The following NUBP1 variants were observed in gnomAD, a reference collection of about 807,000 sequenced individuals.
The protein encoded by NUBP1 is cytosolic Fe-S cluster assembly factor NUBP1.
In NUBP1, 46 loss-of-function variants were observed where a neutral mutation model predicts 41.8. That is an observed-to-expected ratio of 1.10 (90% confidence interval 0.87 to 1.41). The LOEUF (loss-of-function observed/expected upper bound fraction) is 1.41, where lower values mean the gene tolerates loss of function less well. Ranked by LOEUF, NUBP1 falls within the 40% of genes most tolerant of loss-of-function variation. The pLI is 0.00. For synonymous variants in NUBP1, 189 were observed against 154.6 expected, an observed-to-expected ratio of 1.22 and a Z score of -1.65; for missense variants, 494 against 414.0, an observed-to-expected ratio of 1.19 and a Z score of -1.68.
intron 9 of NUBP1, among the ~76,000 whole-genome samples, chr16:10,762,839 A>G (rs151173135): frequency 8.2e-4 from 124 of 150,850 alleles, no homozygotes; most frequent in Non-Finnish European, 1.2e-3. Context: ...GGGCCCGTGG[A>G]GAGCCTGGAG....
intron 7 of NUBP1, among the ~76,000 whole-genome samples, chr16:10,758,585 T>A (rs1900732472): frequency 6.6e-6 from 1 of 152,204 alleles, no homozygotes; most frequent in Non-Finnish European, 1.5e-5. Context: ...GGGTCAAGAA[T>A]GCTTTTTGAA....
In NUBP1 at chr16:10,761,780, C is replaced by T. The variant is rs1208884848; in HGVS notation, c.741C>T (p.Pro247=). ...AGAAAGAATCTCAGATATTCCCTCC[C>T]ACAACCGGGGGCGCGGAGCTCATGT... ...KCKKESQIFP[P]TTGGAELMCQ... The change falls in exon 9 of 11, where the codon CCC becomes CCT. Residue 247 remains proline (P), a synonymous_variant. Transcript: ENST00000283027. 78 of 1,613,896 alleles carry T rather than the reference C, an allele frequency of 4.8e-5. No individual in the cohort carries two copies. The highest frequency in any genetic ancestry group is 6.1e-5 in the Non-Finnish European group (72 of 1,179,934).
chr16:10,744,087 A>G, intron 2 of NUBP1, 22 bp downstream of exon 2: 1 of 1,543,896 alleles, frequency 6.5e-7, no homozygotes. Context: ...GCAAGGCCTC[A>G]ACAGGAACTT....
chr16:10,763,213 G>A (rs1014290895), intron 9 of NUBP1, among the ~76,000 whole-genome samples: 3 of 152,114 alleles, frequency 2.0e-5, no homozygotes, highest in African/African-American at 4.8e-5. Flanking sequence ...AGGTTCTGGG[G>A]TCCGTCAGGA....
intron 4 of NUBP1, among the ~76,000 whole-genome samples, chr16:10,753,758 G>A (rs137929186): frequency 2.2e-4 from 33 of 152,126 alleles, no homozygotes; most frequent in African/African-American, 5.5e-4. Flanking sequence ...CCTCACTGAG[G>A]GATAGCATTT....
chr16:10,765,317 C>A lies in NUBP1; in HGVS notation c.821-2632C>A, dbSNP rs549657237. Among the ~76,000 whole-genome samples the A allele has an allele frequency of 3.6e-5, 5 of 140,342 alleles. No homozygotes were observed. Among genetic ancestry groups the A allele is most frequent in the South Asian group, 2.3e-4 (1 of 4,338 alleles). The allele number at this position is 140,342 out of a possible 152,430, so 92.1% of individuals were successfully genotyped here. A position where few individuals can be genotyped will look rare whatever the true frequency, so the allele number is the denominator to read the frequency against. ...CTAGCCTGGGTAACACAGGAAGATA[C>A]CTCATCTCTTAAAAAAAAAAAAAAA... On this transcript the variant is annotated intron_variant, in intron 9 of 10. Coordinates refer to ENST00000283027, the MANE Select transcript of NUBP1 (RefSeq NM_002484.4). The surrounding 1 kb of genome is among the most constrained non-coding windows in gnomAD (Gnocchi z 4.0).
Position 10,755,121 on chromosome 16 carries a change from G to A in NUBP1, c.328-600G>A, listed in dbSNP as rs533327042. 4.6e-5 allele frequency among the ~76,000 whole-genome samples: 7 copies of A among 152,316 alleles called. No individual in the cohort carries two copies. The South Asian group carries it at 1.5e-3, about 32-fold the overall frequency. On this transcript the variant is annotated intron_variant, in intron 4 of 10. Transcript: ENST00000283027. Reference sequence around the variant, plus strand: ...GTACAGAAAGCCACTCATTCAATGGGTGAGTCATATTGTCTATGAATCATG... The same window carrying A: ...GTACAGAAAGCCACTCATTCAATGGATGAGTCATATTGTCTATGAATCATG...
At chr16:10,756,595 T>C (rs1177341232) in intron 5 of NUBP1, 95 bp from the exon 6 acceptor site, 6 of 855,332 alleles carry the variant, frequency 7.0e-6, no homozygotes, top group African/African-American at 3.6e-5. Flanking sequence ...GAAAATGTTT[T>C]TTTCAGTCAG....
chr16:10,743,940 T>G (rs770610044), intron 1 of NUBP1, 21 bp from the exon 2 acceptor site: 1 of 1,591,154 alleles, frequency 6.3e-7, no homozygotes, highest in Admixed American at 1.8e-5. Context: ...CTGCTCTAAC[T>G]GTGGTCTTGT....
At chr16:10,755,806 C>G (rs368269436) in intron 5 of NUBP1, 53 bp downstream of exon 5, 1 of 1,559,036 alleles carries the variant, frequency 6.4e-7, no homozygotes, top group Non-Finnish European at 8.8e-7. Context: ...GTTGTGTGTA[C>G]ATAATGGGTT....
At position 10,767,108 on chromosome 16, in the gene NUBP1, G is replaced by A. The variant is rs554641922; in HGVS notation, c.821-841G>A. The A allele has an allele frequency of 2.2e-4, 87 of 398,762 alleles. No homozygotes were observed. The highest frequency in any genetic ancestry group is 1.3e-3 in the Admixed American group (30 of 22,744). The allele number at this position is 398,762 out of a possible 1,614,324, so 24.7% of individuals were successfully genotyped here. On this transcript the variant is annotated intron_variant, in intron 9 of 10. Transcript: ENST00000283027. The surrounding 1 kb of genome is among the most constrained non-coding windows in gnomAD (Gnocchi z 4.6). The stretch of plus-strand genomic sequence containing the variant: ...TGGGGTTCACCTGAGGCTGGTGACC[G>A]GCCATGGGCAGTGCAGTCACTTGCC...
intron 4 of NUBP1, among the ~76,000 whole-genome samples, chr16:10,753,309 G>T (rs1382072154): frequency 1.3e-5 from 2 of 152,186 alleles, no homozygotes; most frequent in African/African-American, 4.8e-5. Flanking sequence ...AGCTCTGACT[G>T]GGAACATTAG....
intron 2 of NUBP1, among the ~76,000 whole-genome samples, chr16:10,745,754 A>C (rs1458055206): frequency 6.6e-6 from 1 of 152,276 alleles, no homozygotes. Flanking sequence ...CAGAAAATAA[A>C]GTAAACATTC....
chr16:10,761,635 G>T, intron 8 of NUBP1, 122 bp from the exon 9 acceptor site: 6 of 955,366 alleles, frequency 6.3e-6, no homozygotes, highest in Non-Finnish European at 9.4e-6. Context: ...AGTTCTTTAG[G>T]TGTTAAGGGT....
chr16:10,746,801 G>T (rs1900083065), intron 2 of NUBP1, among the ~76,000 whole-genome samples: 1 of 152,124 alleles, frequency 6.6e-6, no homozygotes. Flanking sequence ...GGGGGATTTT[G>T]TCCCCAAGTT....
intron 2 of NUBP1, among the ~76,000 whole-genome samples, chr16:10,745,177 G>A (rs1316715871): frequency 6.6e-6 from 1 of 151,108 alleles, no homozygotes; most frequent in Non-Finnish European, 1.5e-5. Flanking sequence ...ATCAAAAATG[G>A]AGACAGGCCG....
At chr16:10,746,970 T>C (rs1331852709) in intron 2 of NUBP1, among the ~76,000 whole-genome samples, 173 bp from the exon 3 acceptor site, 1 of 152,150 alleles carries the variant, frequency 6.6e-6, no homozygotes, top group Non-Finnish European at 1.5e-5. Context: ...ATAGCCTTAT[T>C]TTCTTCCTAG....
rs1720637413 is a variant in NUBP1 at position 10,757,455 on chromosome 16, T to C, written c.452-418T>C. ...AGCTTTAGCCTCAGCACTATTGATA[T>C]TTTGAGCCAGATAAGTCTTTGTTGG... On this transcript the variant is annotated intron_variant, in intron 6 of 10. Transcript: ENST00000283027. This position sits in a 1 kb window ranked among gnomAD's most constrained non-coding sequence, Gnocchi z 4.1. Among the ~76,000 whole-genome samples the C allele has an allele frequency of 6.6e-6, 1 of 152,176 alleles. No individual in the cohort carries two copies. The highest frequency in any genetic ancestry group is 2.1e-4 in the South Asian group (1 of 4,830).
chr16:10,751,869 G>A (rs770806567), intron 3 of NUBP1, among the ~76,000 whole-genome samples: 2 of 152,228 alleles, frequency 1.3e-5, no homozygotes, highest in African/African-American at 2.4e-5. Context: ...GGCCCGTGGT[G>A]TACTGGAAAG....
Sources: allele counts gnomAD v4.1 joint callset (sites outside exome capture counted in the v4.1 genomes callset), GRCh38; gene constraint gnomAD v4.1.1; non-coding constraint Gnocchi (gnomAD v3.1); transcripts MANE v1.5; gene names NCBI Gene and HGNC (gene_info 2026-07-23, HGNC 2026-07-21).